The following FLACC1 variants were observed in gnomAD, a reference collection of about 807,000 sequenced individuals.
FLACC1 encodes the protein flagellum associated containing coiled-coil domains 1, also known as flagellum-associated coiled-coil domain-containing protein 1.
FLACC1 carries 66 observed loss-of-function variants against 62.8 expected under a neutral mutation model. That is an observed-to-expected ratio of 1.05 (90% confidence interval 0.86 to 1.29). The LOEUF (loss-of-function observed/expected upper bound fraction) is 1.29. FLACC1 is among the 50% of genes most tolerant of loss of function. The pLI, the probability that FLACC1 is intolerant of heterozygous loss-of-function variation, is 0.00. For missense variants in FLACC1, 452 were observed against 489.1 expected (o/e 0.92, Z 0.71); for synonymous variants, 156 against 161.0 (o/e 0.97, Z 0.24).
intron 11 of FLACC1, among the ~76,000 whole-genome samples, chr2:201,305,327 GA>G (rs746401807): frequency 6.6e-6 from 1 of 151,968 alleles, no homozygotes; most frequent in African/African-American, 2.4e-5. Flanking sequence ...ACAGACACAC[GA>G]AAAAATGTTC....
intron 12 of FLACC1, among the ~76,000 whole-genome samples, chr2:201,292,795 C>CA (rs1455418845): frequency 6.6e-6 from 1 of 152,094 alleles, no homozygotes; most frequent in Admixed American, 6.5e-5. Context: ...TGCAGAGACA[C>CA]ACAGAGGCTC....
intron 10 of FLACC1, 65 bp downstream of exon 10, chr2:201,309,086 G>T: frequency 7.0e-7 from 1 of 1,422,802 alleles, no homozygotes; most frequent in South Asian, 1.2e-5. Context: ...CTCAAGTCAA[G>T]ACCAAACTTC....
At chr2:201,316,515 T>C (rs1950310190) in intron 9 of FLACC1, among the ~76,000 whole-genome samples, 1 of 152,046 alleles carries the variant, frequency 6.6e-6, no homozygotes, top group Non-Finnish European at 1.5e-5. Flanking sequence ...CAGGAAGAAT[T>C]AGATACCCCG....
At chr2:201,350,307 C>G (rs1255383475) in intron 3 of FLACC1, among the ~76,000 whole-genome samples, 1 of 151,856 alleles carries the variant, frequency 6.6e-6, no homozygotes, top group African/African-American at 2.4e-5. Context: ...ATCGTTTGAA[C>G]CAGGGAGGTG....
At chr2:201,322,476 T>A (rs1277516919) in intron 9 of FLACC1, among the ~76,000 whole-genome samples, 2 of 151,504 alleles carry the variant, frequency 1.3e-5, no homozygotes, top group South Asian at 2.1e-4. Context: ...TATTACAGAG[T>A]CTTCACCCCT....
At chr2:201,362,364 A>G (rs1404129884), upstream of FLACC1, among the ~76,000 whole-genome samples, 5 of 151,982 alleles carry the variant, frequency 3.3e-5, no homozygotes, top group East Asian at 7.7e-4. Flanking sequence ...GGCAGATTAG[A>G]GTCTTTCAGT....
intron 12 of FLACC1, among the ~76,000 whole-genome samples, chr2:201,291,135 T>C (rs1474837749): frequency 6.6e-6 from 1 of 152,170 alleles, no homozygotes; most frequent in Non-Finnish European, 1.5e-5. Context: ...AGCAGAAACC[T>C]CTGCAGACTT....
At position 201,289,818 on chromosome 2, in the gene FLACC1, G is replaced by A; in HGVS notation, c.943-33C>T. 3 of 1,614,114 alleles carry A rather than the reference G, an allele frequency of 1.9e-6. No individual in the cohort carries two copies. In the South Asian group the frequency reaches 3.3e-5, roughly 18 times the overall value. The stretch of plus-strand genomic sequence containing the variant: ...AGAAGAAGCTGTTGCAGGACATCAT[G>A]CCAATGTCTATTTATTTGGTCTCTT... On this transcript the variant is annotated intron_variant, in intron 12 of 14. Coordinates refer to ENST00000392257, the MANE Select transcript of FLACC1 (RefSeq NM_001127391.3).
intron 7 of FLACC1, among the ~76,000 whole-genome samples, chr2:201,338,708 T>C (rs1010629402): frequency 5.3e-5 from 8 of 152,210 alleles, no homozygotes; most frequent in African/African-American, 1.9e-4. Context: ...TTATATATCA[T>C]GTTTATTGAT....
chr2:201,309,112 T>C (rs1360613109), intron 10 of FLACC1, 39 bp downstream of exon 10: 2 of 1,564,818 alleles, frequency 1.3e-6, no homozygotes, highest in Non-Finnish European at 1.8e-6. Context: ...AGTTTTTTAA[T>C]GCACTTGTCA....
At chr2:201,299,151 T>C (rs1322949120) in intron 12 of FLACC1, 87 bp downstream of exon 12, 65 of 1,249,672 alleles carry the variant, frequency 5.2e-5, no homozygotes, top group Non-Finnish European at 7.1e-5. Flanking sequence ...GGGGAAATTA[T>C]CATTGATTCC....
chr2:201,359,781 T>A (rs533343477), upstream of FLACC1, among the ~76,000 whole-genome samples: 168 of 152,124 alleles, frequency 1.1e-3, no homozygotes, highest in Non-Finnish European at 1.9e-3. Context: ...ACAGGCTAGA[T>A]GAAGAGAGAC....
intron 5 of FLACC1, among the ~76,000 whole-genome samples, chr2:201,345,481 TG>T (rs1459187862): frequency 7.5e-5 from 11 of 147,262 alleles, no homozygotes; most frequent in Non-Finnish European, 1.5e-4. Flanking sequence ...TGTGTGTGTG[TG>T]TGTATGTGTG....
intron 9 of FLACC1, among the ~76,000 whole-genome samples, chr2:201,310,599 TC>T (rs1428069084): frequency 6.6e-6 from 1 of 152,192 alleles, no homozygotes; most frequent in South Asian, 2.1e-4. Flanking sequence ...TGGGCCTTCA[TC>T]AAATGAGCTG....
At chr2:201,311,391 C>A (rs568217050) in intron 9 of FLACC1, among the ~76,000 whole-genome samples, 45 of 152,124 alleles carry the variant, frequency 3.0e-4, no homozygotes, top group Admixed American at 6.5e-4. Context: ...AAATGCTCAA[C>A]AAAATACTTG....
chr2:201,342,281 T>G, intron 7 of FLACC1, 89 bp downstream of exon 7: 6 of 1,334,310 alleles, frequency 4.5e-6, no homozygotes, highest in Non-Finnish European at 6.4e-6. Flanking sequence ...TTTAGAACTA[T>G]TTGAAGTCCC....
Position 201,337,108 on chromosome 2 carries a change from GT to G in FLACC1, c.524+5261del, listed in dbSNP as rs528306570. 5.3e-5 allele frequency among the ~76,000 whole-genome samples: 8 copies of G among 152,220 alleles called. No individual in the cohort carries two copies. The East Asian group carries it at 1.5e-3, about 29-fold the overall frequency. ...AGAATGTCTCTTCACTCTGTTGATG[GT>G]TTCTTTTGCGTGTAGAAGCTTTTTA... On this transcript the variant is annotated intron_variant, in intron 7 of 14. Coordinates refer to ENST00000392257, the MANE Select transcript of FLACC1 (RefSeq NM_001127391.3).
rs764506462 is a variant in FLACC1 at position 201,309,925 on chromosome 2, A to AAAAAG, written c.676-676_676-675insCTTTT. Reference sequence around the variant, plus strand: ...TGTCTCAAAAAAAAAAAAAAAAAAAAAAGAAGAAGAAAGGAAATACCTAGT... The same window carrying AAAAAG: ...TGTCTCAAAAAAAAAAAAAAAAAAAAAAAAGAAGAAGAAGAAAGGAAATACCTAGT... On this transcript the variant is annotated intron_variant, in intron 9 of 14. Coordinates refer to ENST00000392257, the MANE Select transcript of FLACC1 (RefSeq NM_001127391.3). Among the ~76,000 whole-genome samples, 169 of 99,284 alleles carry AAAAAG rather than the reference A, an allele frequency of 1.7e-3. 16 individuals are homozygous for AAAAAG. Among genetic ancestry groups the AAAAAG allele is most frequent in the African/African-American group, 2.2e-3 (71 of 32,528 alleles). 65.1% of individuals were successfully genotyped at this position (99,284 alleles called of 152,430 possible). A position where few individuals can be genotyped will look rare whatever the true frequency, so the allele number is the denominator to read the frequency against.
At chr2:201,358,462 G>A (rs1450889147), upstream of FLACC1, among the ~76,000 whole-genome samples, 4 of 144,694 alleles carry the variant, frequency 2.8e-5, no homozygotes, top group Non-Finnish European at 4.5e-5. Context: ...TGTCACCCAG[G>A]CTGGAGTGCA....
Sources: allele counts gnomAD v4.1 joint callset (sites outside exome capture counted in the v4.1 genomes callset), GRCh38; gene constraint gnomAD v4.1.1; transcripts MANE v1.5; gene names NCBI Gene and HGNC (gene_info 2026-07-23, HGNC 2026-07-21).